Variants in TRIP4 observed in about 807,000 individuals in gnomAD.
The protein encoded by TRIP4 is activating signal cointegrator 1.
TRIP4 carries 54 observed loss-of-function variants against 81.8 expected under a neutral mutation model. The observed-to-expected ratio is 0.66, with a 90% CI of 0.53 to 0.83. The LOEUF (loss-of-function observed/expected upper bound fraction) is 0.83, where lower values mean the gene tolerates loss of function less well. Among genes scored for constraint, TRIP4 ranks in the 40% least tolerant of loss-of-function variants. The pLI, the probability that TRIP4 is intolerant of heterozygous loss-of-function variation, is 0.00. For synonymous variants in TRIP4, 270 were observed against 242.8 expected, an observed-to-expected ratio of 1.11 and a Z score of -1.04; for missense variants, 662 against 683.6, an observed-to-expected ratio of 0.97 and a Z score of 0.35.
At chr15:64,450,757 T>C in intron 12 of TRIP4, 1 of 456,010 alleles carries the variant, frequency 2.2e-6, no homozygotes, top group South Asian at 1.5e-5. Flanking sequence ...TAGCTTTCCA[T>C]TTTAGACATC....
At chr15:64,426,007 C>T (rs573223330) in intron 11 of TRIP4, among the ~76,000 whole-genome samples, 7 of 151,968 alleles carry the variant, frequency 4.6e-5, no homozygotes, top group Admixed American at 1.3e-4. Context: ...AGCTTGAACC[C>T]GGGAGATGGA....
At chr15:64,447,055 G>C (rs915509640) in intron 12 of TRIP4, among the ~76,000 whole-genome samples, 2 of 152,130 alleles carry the variant, frequency 1.3e-5, no homozygotes, top group Non-Finnish European at 2.9e-5. Flanking sequence ...AGTGAGTCGA[G>C]ATTGCACCAC....
intron 12 of TRIP4, among the ~76,000 whole-genome samples, chr15:64,454,711 TAAA>T (rs1892847840): frequency 6.6e-6 from 1 of 152,164 alleles, no homozygotes; most frequent in African/African-American, 2.4e-5. Flanking sequence ...TCAAACCCCT[TAAA>T]AATGTGATTA....
chr15:64,435,800 G>C (rs917302147), intron 11 of TRIP4, among the ~76,000 whole-genome samples: 1 of 141,752 alleles, frequency 7.1e-6, no homozygotes, highest in Non-Finnish European at 1.5e-5. Flanking sequence ...GGGATGGGAG[G>C]GGGAGTGTAA....
intron 3 of TRIP4, among the ~76,000 whole-genome samples, chr15:64,396,217 GAA>G: frequency 6.9e-6 from 1 of 145,638 alleles, no homozygotes; most frequent in Non-Finnish European, 1.5e-5. Context: ...CCCTGTTTTT[GAA>G]CTTTAAATTA....
intron 10 of TRIP4, among the ~76,000 whole-genome samples, chr15:64,425,062 C>T (rs578241983): frequency 6.6e-6 from 1 of 152,292 alleles, no homozygotes; most frequent in East Asian, 1.9e-4. Flanking sequence ...TAGGTGTGAG[C>T]TACTGAGCCC....
intron 12 of TRIP4, 129 bp from the exon 13 acceptor site, chr15:64,454,868 G>T (rs988410077): frequency 5.3e-6 from 4 of 753,222 alleles, no homozygotes; most frequent in Non-Finnish European, 8.9e-6. Flanking sequence ...AAGTTTGGAA[G>T]TGTCTGAGTC....
intron 1 of TRIP4, chr15:64,393,216 C>G (rs1381715617): frequency 1.4e-5 from 2 of 146,124 alleles, no homozygotes; most frequent in Non-Finnish European, 3.0e-5. Flanking sequence ...GTGGCACGAT[C>G]TCAGCTCACT....
At chr15:64,416,595 A>G (rs904561351) in intron 8 of TRIP4, among the ~76,000 whole-genome samples, 19 of 152,154 alleles carry the variant, frequency 1.2e-4, no homozygotes, top group Non-Finnish European at 1.9e-4. Context: ...TATTTACCCT[A>G]TAATGGATCA....
At chr15:64,439,766 C>T (rs371408952) in intron 11 of TRIP4, among the ~76,000 whole-genome samples, 10 of 151,836 alleles carry the variant, frequency 6.6e-5, no homozygotes, top group African/African-American at 1.4e-4. Flanking sequence ...TCAAGCAATC[C>T]ACCTGTCTCG....
chr15:64,404,878 C>T (rs1007595887), intron 5 of TRIP4, among the ~76,000 whole-genome samples: 1 of 151,732 alleles, frequency 6.6e-6, no homozygotes, highest in Non-Finnish European at 1.5e-5. Context: ...TACAGATGGG[C>T]TCTCACCATG....
intron 12 of TRIP4, among the ~76,000 whole-genome samples, chr15:64,449,404 T>G (rs1377311103): frequency 6.6e-6 from 1 of 151,744 alleles, no homozygotes; most frequent in Admixed American, 6.6e-5. Context: ...TCTCACTGTG[T>G]TGCCTAGACT....
intron 4 of TRIP4, 152 bp downstream of exon 4, chr15:64,397,970 G>A (rs948196910): frequency 1.6e-5 from 13 of 814,990 alleles, no homozygotes; most frequent in South Asian, 5.7e-5. Flanking sequence ...GCACGATCTC[G>A]GCTCGCTGCA....
At chr15:64,445,446 G>A (rs1421238376) in intron 12 of TRIP4, among the ~76,000 whole-genome samples, 4 of 144,072 alleles carry the variant, frequency 2.8e-5, no homozygotes, top group African/African-American at 1.0e-4. Flanking sequence ...CCAACATGGT[G>A]AAACCCCCCC....
intron 11 of TRIP4, among the ~76,000 whole-genome samples, chr15:64,442,643 T>TATCAAGTTCTACTACAGATAG (rs1252011663): frequency 4.0e-5 from 6 of 150,980 alleles, no homozygotes; most frequent in Non-Finnish European, 8.9e-5. Flanking sequence ...AAAAGAATTC[T>TATCAAGTTCTACTACAGATAG]ATCAAGTTCT....
At chr15:64,453,060 C>G (rs143560707) in intron 12 of TRIP4, among the ~76,000 whole-genome samples, 6,320 of 152,198 alleles carry the variant, frequency 0.042, 232 homozygotes, top group African/African-American at 0.089. Context: ...ATGGCACACA[C>G]CTGTAGTCCC....
intron 7 of TRIP4, among the ~76,000 whole-genome samples, 169 bp from the exon 8 acceptor site, chr15:64,413,916 T>C (rs1195905049): frequency 6.6e-6 from 1 of 152,116 alleles, no homozygotes; most frequent in Non-Finnish European, 1.5e-5. Flanking sequence ...TCATATTCCT[T>C]AGGGTTTTTG....
At chr15:64,431,275 G>A (rs1596355171) in intron 11 of TRIP4, among the ~76,000 whole-genome samples, 1 of 152,046 alleles carries the variant, frequency 6.6e-6, no homozygotes, top group South Asian at 2.1e-4. Flanking sequence ...CACGATGAGG[G>A]CTGTTATCTG....
chr15:64,415,490 T>C (rs992126013), intron 8 of TRIP4, among the ~76,000 whole-genome samples: 2 of 152,224 alleles, frequency 1.3e-5, no homozygotes, highest in African/African-American at 4.8e-5. Flanking sequence ...CTGAAGGCTT[T>C]ACAGGAGAAT....
Sources: gnomAD v4.1 joint callset for allele counts (sites outside exome capture counted in the v4.1 genomes callset) on GRCh38, gnomAD v4.1.1 for gene constraint, MANE v1.5 for transcripts, NCBI Gene and HGNC (gene_info 2026-07-23, HGNC 2026-07-21) for gene names.